The following TRMT11 variants were observed in gnomAD, a reference collection of about 807,000 sequenced individuals.
TRMT11 encodes tRNA methyltransferase 11.
In TRMT11, 53 loss-of-function variants were observed where a neutral mutation model predicts 62.8. The ratio of observed to expected loss-of-function variants is 0.84; its 90% CI spans 0.68 to 1.06. The LOEUF (loss-of-function observed/expected upper bound fraction) is 1.06. Ranked by LOEUF, TRMT11 falls within the 50% of genes least tolerant of loss-of-function variation. The pLI is 0.00. For missense variants in TRMT11, 556 were observed against 553.4 expected (o/e 1.00, Z -0.05); for synonymous variants, 188 against 190.3 (o/e 0.99, Z 0.10).
Position 126,038,725 on chromosome 6 carries a change from T to C in TRMT11, c.1281T>C (p.His427=), listed in dbSNP as rs771092456. The change falls in exon 13 of 13, where the codon CAT becomes CAC. Residue 427 remains histidine (H), a synonymous_variant. Transcript: ENST00000334379. ...AACAGAATCGGGACCAGTATTCACA[T>C]CTGCTAAGTGATCATTTTCTGCCAT... ...KKFENRDQYS[H]LLSDHFLPYQ... The C allele has an allele frequency of 2.5e-6, 4 of 1,591,450 alleles. No homozygotes were observed. The highest frequency in any genetic ancestry group is 4.6e-5 in the East Asian group (2 of 43,770).
chr6:126,242,502 C>T, the TRMT11 span, among the ~76,000 whole-genome samples: 3 of 152,128 alleles, frequency 2.0e-5, no homozygotes, highest in Non-Finnish European at 1.5e-5. Context: ...AAGAACAAAG[C>T]TGGAGGCATC....
chr6:126,105,530 G>A (rs1402100852), intron 17 of TRMT11, among the ~76,000 whole-genome samples: 1 of 152,100 alleles, frequency 6.6e-6, no homozygotes, highest in Non-Finnish European at 1.5e-5. Flanking sequence ...TAGAGGCACA[G>A]CTCCCCCAGT....
At position 126,021,202 on chromosome 6, in the gene TRMT11, C is replaced by G; in HGVS notation, c.1182C>G (p.Leu394=). 1 of 1,614,170 alleles carries G rather than the reference C, an allele frequency of 6.2e-7. No individual in the cohort carries two copies. Among genetic ancestry groups the G allele is most frequent in the African/African-American group, 1.3e-5 (1 of 75,050 alleles). ...TGCCTTGGCACCCTTGCCTGGAACT[C>G]GTTAGCAACTGCGAGCAGAAGCTTT... ...EMVPWHPCLE[L]VSNCEQKLSS... Residue 394 remains leucine (L), a synonymous_variant, in exon 12 of 13, where the codon CTC becomes CTG. Transcript: ENST00000334379.
At chr6:126,167,592 A>G (rs1208812238) in intron 21 of TRMT11, among the ~76,000 whole-genome samples, 1 of 152,208 alleles carries the variant, frequency 6.6e-6, no homozygotes, top group Non-Finnish European at 1.5e-5. Flanking sequence ...TTCTTAAAAC[A>G]TTAATTTGCT....
At chr6:126,233,206 A>G in the TRMT11 span, among the ~76,000 whole-genome samples, 9 of 152,208 alleles carry the variant, frequency 5.9e-5, no homozygotes, top group East Asian at 1.7e-3. Flanking sequence ...AGGCAATTCT[A>G]TTACTGTGGG....
chr6:126,231,040 A>C, the TRMT11 span, among the ~76,000 whole-genome samples: 1 of 152,176 alleles, frequency 6.6e-6, no homozygotes, highest in Non-Finnish European at 1.5e-5. Flanking sequence ...TCTTTCTTTC[A>C]CATATAATGT....
At chr6:126,090,454 C>T (rs1381673534) in intron 17 of TRMT11, among the ~76,000 whole-genome samples, 3 of 152,238 alleles carry the variant, frequency 2.0e-5, no homozygotes, top group East Asian at 3.9e-4. Flanking sequence ...CTGTCACCCT[C>T]CTAAATTTTT....
chr6:126,178,692 A>C (rs1280955971), intron 1 of TRMT11, among the ~76,000 whole-genome samples: 1 of 152,128 alleles, frequency 6.6e-6, no homozygotes, highest in Non-Finnish European at 1.5e-5. Flanking sequence ...AAACTGAGAA[A>C]ACCAGCTGTT....
chr6:126,118,626 GC>G (rs1182796859), intron 21 of TRMT11, among the ~76,000 whole-genome samples: 2 of 152,014 alleles, frequency 1.3e-5, no homozygotes, highest in Non-Finnish European at 2.9e-5. Context: ...TGAATACATG[GC>G]TAGCTTTCAA....
chr6:126,060,708 G>T (rs952480580), intron 17 of TRMT11, among the ~76,000 whole-genome samples: 6 of 152,192 alleles, frequency 3.9e-5, no homozygotes, highest in African/African-American at 1.2e-4. Flanking sequence ...GAGTTTCAAA[G>T]TTTCTTCTTT....
At chr6:125,991,208 C>T (rs1253492636) in intron 1 of TRMT11, among the ~76,000 whole-genome samples, 3 of 150,810 alleles carry the variant, frequency 2.0e-5, no homozygotes, top group African/African-American at 4.9e-5. Flanking sequence ...ATCACACCAT[C>T]GCACTCCAGC....
At chr6:126,257,544 T>C in the TRMT11 span, among the ~76,000 whole-genome samples, 1 of 152,198 alleles carries the variant, frequency 6.6e-6, no homozygotes, top group African/African-American at 2.4e-5. Context: ...TTTTCCTTCC[T>C]CTTCAATTTT....
chr6:126,096,090 T>A (rs1777336603), intron 17 of TRMT11, among the ~76,000 whole-genome samples: 1 of 151,836 alleles, frequency 6.6e-6, no homozygotes, highest in South Asian at 2.1e-4. Context: ...TTTCTTCTCA[T>A]AAGAGGGAGA....
At chr6:126,033,600 T>G (rs1774620038) in intron 12 of TRMT11, among the ~76,000 whole-genome samples, 1 of 152,100 alleles carries the variant, frequency 6.6e-6, no homozygotes, top group Non-Finnish European at 1.5e-5. Flanking sequence ...CATCATTATT[T>G]AAAAATGAAA....
intron 18 of TRMT11, among the ~76,000 whole-genome samples, chr6:126,114,609 A>G (rs747868236): frequency 5.3e-5 from 8 of 152,054 alleles, no homozygotes; most frequent in Non-Finnish European, 1.0e-4. Context: ...GACTTTTTAT[A>G]TCTTTCATAC....
intron 17 of TRMT11, among the ~76,000 whole-genome samples, chr6:126,093,608 TATATATATATATATATATATATA>T (rs1777302198): frequency 9.9e-6 from 1 of 100,996 alleles, no homozygotes; most frequent in African/African-American, 5.3e-5. Flanking sequence ...TATATATATA[TATATATATATATATATATATATA>T]TTTTCCCCCA....
At chr6:126,110,474 C>A (rs1048373787) in intron 17 of TRMT11, among the ~76,000 whole-genome samples, 1 of 152,124 alleles carries the variant, frequency 6.6e-6, no homozygotes, top group South Asian at 2.1e-4. Flanking sequence ...TAAAAATCAT[C>A]ACCCATTCTT....
chr6:125,996,779 A>G (rs1430364447), intron 3 of TRMT11, among the ~76,000 whole-genome samples: 1 of 152,214 alleles, frequency 6.6e-6, no homozygotes, highest in Non-Finnish European at 1.5e-5. Flanking sequence ...ATGCAATGCA[A>G]ATAAGAATTT....
chr6:126,007,183 C>T (rs1203785488), intron 7 of TRMT11, among the ~76,000 whole-genome samples: 2 of 151,908 alleles, frequency 1.3e-5, no homozygotes, highest in African/African-American at 2.4e-5. Context: ...TTTAGTCTTT[C>T]ATTTCTCTTC....
Sources: gnomAD v4.1 joint callset for allele counts (sites outside exome capture counted in the v4.1 genomes callset) on GRCh38, gnomAD v4.1.1 for gene constraint, MANE v1.5 for transcripts, NCBI Gene and HGNC (gene_info 2026-07-23, HGNC 2026-07-21) for gene names.